Variants in YTHDC2 observed in about 807,000 individuals in gnomAD.
YTHDC2 encodes YTH N6-methyladenosine RNA binding protein C2, also known as 3'-5' RNA helicase YTHDC2.
A neutral mutation model predicts 174.9 loss-of-function variants in YTHDC2; 45 were observed. The ratio of observed to expected loss-of-function variants is 0.26; its 90% CI spans 0.20 to 0.33. The LOEUF (loss-of-function observed/expected upper bound fraction) is 0.33. YTHDC2 is among the 10% of genes least tolerant of loss of function. The pLI, the probability that YTHDC2 is intolerant of heterozygous loss-of-function variation, is 1.00. For missense variants in YTHDC2, 1,650 were observed against 1,723.7 expected (o/e 0.96, Z 0.76); for synonymous variants, 657 against 574.5 (o/e 1.14, Z -2.05).
In YTHDC2 at chr5:113,567,163, A is replaced by T; in HGVS notation, c.2914A>T (p.Lys972Ter). 6.2e-7 allele frequency: 1 copy of T among 1,613,892 alleles called. No individual in the cohort carries two copies. The highest frequency in any genetic ancestry group is 8.5e-7 in the Non-Finnish European group (1 of 1,179,922). The change falls in exon 22 of 30, where the codon AAA (lysine) becomes TAA (stop). Residue 972 changes from lysine (K) to a stop codon, truncating the protein, a stop_gained. Coordinates refer to ENST00000161863, the MANE Select transcript of YTHDC2 (RefSeq NM_022828.5). LOFTEE classifies it high-confidence loss of function. ...NTNSENWAVVKAALVAGMYPN... is the reference protein window; with the variant it reads ...NTNSENWAVV ...AAACTCTGAGAATTGGGCTGTCGTT[A>T]AAGCTGCATTGGTGGCAGGCATGTA... is the stretch of plus-strand genomic sequence containing the variant.
intron 18 of YTHDC2, among the ~76,000 whole-genome samples, chr5:113,562,537 G>C (rs1270704355): frequency 6.6e-6 from 1 of 152,190 alleles, no homozygotes; most frequent in African/African-American, 2.4e-5. Context: ...TAAATTGCCT[G>C]TTCCTGCCTG....
intron 7 of YTHDC2, among the ~76,000 whole-genome samples, chr5:113,536,910 A>T (rs1775119515): frequency 6.6e-6 from 1 of 152,216 alleles, no homozygotes; most frequent in South Asian, 2.1e-4. Flanking sequence ...CTTTATCATG[A>T]ACAGTTTTCC....
intron 23 of YTHDC2, among the ~76,000 whole-genome samples, chr5:113,569,313 G>C (rs796068962): frequency 1.3e-5 from 2 of 152,058 alleles, no homozygotes; most frequent in Non-Finnish European, 2.9e-5. Flanking sequence ...TCTGATGATA[G>C]TTGTTTCTTT....
intron 4 of YTHDC2, 62 bp from the exon 5 acceptor site, chr5:113,532,817 C>T: frequency 1.4e-6 from 2 of 1,454,786 alleles, no homozygotes; most frequent in Admixed American, 2.2e-5. Context: ...TCAGTTGATT[C>T]ACTTAGATTT....
rs528220099 is a variant in YTHDC2 at position 113,515,510 on chromosome 5, A to G, written c.278+148A>G. ...ATGTAGATAAAAGATTCAGGTCTGT[A>G]CCAAATTCAACTCTTTCCTCTTCCC... On this transcript the variant is annotated intron_variant, in intron 2 of 29. Coordinates refer to ENST00000161863, the MANE Select transcript of YTHDC2 (RefSeq NM_022828.5). 6 of 663,780 alleles carry G rather than the reference A, an allele frequency of 9.0e-6. No individual in the cohort carries two copies. The East Asian group carries it at 1.8e-4, about 20-fold the overall frequency. 41.1% of individuals were successfully genotyped at this position (663,780 alleles called of 1,614,324 possible). A position where few individuals can be genotyped will look rare whatever the true frequency, so the allele number is the denominator to read the frequency against.
Position 113,561,183 on chromosome 5 carries a change from C to T in YTHDC2, c.2320C>T (p.Gln774Ter). Residue 774 changes from glutamine to a stop codon, truncating the protein, a stop_gained and splice_region_variant, in exon 18 of 30, where the codon CAG (glutamine) becomes TAG (stop). Coordinates refer to ENST00000161863, the MANE Select transcript of YTHDC2 (RefSeq NM_022828.5). LOFTEE classifies it high-confidence loss of function. Reference sequence around the variant, plus strand: ...TCCGGAACTTTTGAGAATGCCATTACAGGTAAAAATTTATTTAAATATAAA... The same window carrying T: ...TCCGGAACTTTTGAGAATGCCATTATAGGTAAAAATTTATTTAAATATAAA... ...QTPELLRMPL[Q>*]ELCLHTKLLA... 1.2e-6 allele frequency: 2 copies of T among 1,610,396 alleles called. No homozygotes were observed. Among genetic ancestry groups the T allele is most frequent in the Non-Finnish European group, 8.5e-7 (1 of 1,178,438 alleles).
At chr5:113,559,400 GAAGT>G (rs1184940640) in intron 17 of YTHDC2, among the ~76,000 whole-genome samples, 2 of 152,140 alleles carry the variant, frequency 1.3e-5, no homozygotes, top group African/African-American at 4.8e-5. Flanking sequence ...TTCTAAAATT[GAAGT>G]AAGAGCAAAT....
In YTHDC2 at chr5:113,553,205, A is replaced by G. The variant is rs1287531098; in HGVS notation, c.1713A>G (p.Leu571=). 7 of 1,508,596 alleles carry G rather than the reference A, an allele frequency of 4.6e-6. No individual in the cohort carries two copies. The highest frequency in any genetic ancestry group is 6.2e-6 in the Non-Finnish European group (7 of 1,135,714). 93.5% of individuals were successfully genotyped at this position (1,508,596 alleles called of 1,614,324 possible). A position where few individuals can be genotyped will look rare whatever the true frequency, so the allele number is the denominator to read the frequency against. Residue 571 remains leucine (L), a synonymous_variant, in exon 13 of 30, where the codon CTA becomes CTG. Coordinates refer to ENST00000161863, the MANE Select transcript of YTHDC2 (RefSeq NM_022828.5). ...SYSATLEFGN[L]DESSLVQTNG... ...GTGCTACACTGGAATTTGGAAATCT[A>G]GATGAAAGTTCTCTGGTTCAAACAA...
rs766927153 is a variant in YTHDC2 at position 113,563,836 on chromosome 5, C to G, written c.2443-23C>G. On this transcript the variant is annotated intron_variant, in intron 19 of 29. Transcript: ENST00000161863. The stretch of plus-strand genomic sequence containing the variant: ...TTAAACAGTTTGCTCACATCAAAGT[C>G]TGTTCTGTCTCCTTTTACTTAGACA... 7 of 1,612,998 alleles carry G rather than the reference C, an allele frequency of 4.3e-6. No homozygotes were observed. The East Asian group carries it at 1.6e-4, about 36-fold the overall frequency.
In YTHDC2 at chr5:113,567,287, A is replaced by T; in HGVS notation, c.3038A>T (p.Gln1013Leu). The T allele has an allele frequency of 1.2e-6, 2 of 1,608,334 alleles. No individual in the cohort carries two copies. Among genetic ancestry groups the T allele is most frequent in the Non-Finnish European group, 1.7e-6 (2 of 1,178,352 alleles). ...CCTGCTTCAGTTCTCAGTCAGCCTC[A>T]ATATAAAAAGGTAAAAGATTTTGAA... ...FHPASVLSQP[Q>L]YKKIPPANGQ... The change falls in exon 22 of 30, where the codon CAA (glutamine) becomes CTA (leucine). Residue 1013 changes from glutamine (Q) to leucine (L), a missense_variant. Transcript: ENST00000161863.
At chr5:113,534,186 C>A in intron 5 of YTHDC2, 119 bp from the exon 6 acceptor site, 1 of 735,978 alleles carries the variant, frequency 1.4e-6, no homozygotes, top group Non-Finnish European at 2.3e-6. Context: ...ACTGTACATA[C>A]CGGTACACTA....
At chr5:113,581,350 C>A in intron 24 of YTHDC2, 67 bp from the exon 25 acceptor site, 1 of 1,364,310 alleles carries the variant, frequency 7.3e-7, no homozygotes, top group Non-Finnish European at 9.6e-7. Flanking sequence ...CTAATGGAAA[C>A]TAATCAACAC....
intron 23 of YTHDC2, among the ~76,000 whole-genome samples, chr5:113,572,112 A>G (rs13171273): frequency 0.081 from 12,255 of 152,216 alleles, 702 homozygotes; most frequent in Non-Finnish European, 0.11. Context: ...ATTTAGTGCT[A>G]TGAATTTCCG....
At position 113,563,510 on chromosome 5, in the gene YTHDC2, T is replaced by C. The variant is rs760266767; in HGVS notation, c.2442+18T>C. The C allele has an allele frequency of 5.1e-6, 8 of 1,564,248 alleles. No homozygotes were observed. The highest frequency in any genetic ancestry group is 2.8e-5 in the African/African-American group (2 of 72,696). On this transcript the variant is annotated intron_variant, in intron 19 of 29. Coordinates refer to ENST00000161863, the MANE Select transcript of YTHDC2 (RefSeq NM_022828.5). ...TGCTTAAGGTTGGTGTCTTCATAGT[T>C]TTATTTTACATGACATTTTTACTTG...
At chr5:113,576,096 CTAAG>C (rs890039864) in intron 23 of YTHDC2, among the ~76,000 whole-genome samples, 8 of 151,910 alleles carry the variant, frequency 5.3e-5, no homozygotes, top group South Asian at 2.1e-4. Flanking sequence ...CTAAGACACT[CTAAG>C]TAAATTTTTT....
At chr5:113,547,541 T>TA (rs1775964749) in intron 10 of YTHDC2, among the ~76,000 whole-genome samples, 1 of 152,160 alleles carries the variant, frequency 6.6e-6, no homozygotes, top group Non-Finnish European at 1.5e-5. Flanking sequence ...TAAAAAATGT[T>TA]CCACTCTGGT....
At chr5:113,589,428 T>TATATAC (rs1778891150) in intron 26 of YTHDC2, among the ~76,000 whole-genome samples, 4 of 144,538 alleles carry the variant, frequency 2.8e-5, no homozygotes, top group Non-Finnish European at 4.5e-5. Flanking sequence ...TATATATATA[T>TATATAC]ATATGTATAT....
At chr5:113,514,155 C>A (rs1255176409) in intron 1 of YTHDC2, 73 bp downstream of exon 1, 2 of 1,531,328 alleles carry the variant, frequency 1.3e-6, no homozygotes, top group Non-Finnish European at 1.8e-6. Context: ...AAACGGCGGC[C>A]CACCGAGTGA....
At chr5:113,554,941 A>C (rs1040465401) in intron 16 of YTHDC2, among the ~76,000 whole-genome samples, 3 of 152,020 alleles carry the variant, frequency 2.0e-5, no homozygotes, top group Non-Finnish European at 4.4e-5. Flanking sequence ...TTTTAATGTG[A>C]AAAAAGTAAT....
Sources: allele counts gnomAD v4.1 joint callset (sites outside exome capture counted in the v4.1 genomes callset), GRCh38; gene constraint gnomAD v4.1.1; transcripts MANE v1.5; gene names NCBI Gene and HGNC (gene_info 2026-07-23, HGNC 2026-07-21).